The following SPATA18 variants were observed in gnomAD, a reference collection of about 807,000 sequenced individuals.
SPATA18 encodes the protein spermatogenesis associated 18, also known as mitochondria-eating protein.
A neutral mutation model predicts 68.1 loss-of-function variants in SPATA18; 54 were observed. That is an observed-to-expected ratio of 0.79 (90% CI 0.64 to 0.99). The LOEUF (loss-of-function observed/expected upper bound fraction) is 0.99, where lower values mean the gene tolerates loss of function less well. Among genes scored for constraint, SPATA18 ranks in the 50% least tolerant of loss-of-function variants. The probability of loss-of-function intolerance (pLI) is 0.00; values close to 1 mark genes in which losing one functional copy is unlikely to be tolerated. For synonymous variants in SPATA18, 242 were observed against 244.8 expected (o/e 0.99, Z 0.11); for missense variants, 724 against 681.1 (o/e 1.06, Z -0.70).
intron 1 of SPATA18, among the ~76,000 whole-genome samples, chr4:52,052,114 G>A (rs1049857567): frequency 6.6e-6 from 1 of 151,980 alleles, no homozygotes; most frequent in Non-Finnish European, 1.5e-5. Context: ...TGCTGTCCGC[G>A]GCTGGTCTGG....
chr4:52,073,964 T>C (rs1030755822), intron 6 of SPATA18, among the ~76,000 whole-genome samples: 6 of 152,186 alleles, frequency 3.9e-5, no homozygotes, highest in Non-Finnish European at 7.3e-5. Context: ...CTAAAGACTT[T>C]TCTAGCAACG....
chr4:52,057,884 A>G (rs1307921257), intron 1 of SPATA18, among the ~76,000 whole-genome samples: 2 of 152,166 alleles, frequency 1.3e-5, no homozygotes, highest in African/African-American at 4.8e-5. Context: ...TCCCCATTGC[A>G]TGGGAGAGGA....
rs1390218445 is a variant in SPATA18, at chr4:52,095,462, T to C, written c.*575T>C. On this transcript the variant is annotated 3_prime_UTR_variant, in exon 13 of 13. Coordinates refer to ENST00000295213, the MANE Select transcript of SPATA18 (RefSeq NM_145263.4). ...ATTTAAGATACATTTTCTTTATATA[T>C]TAGCCAACAAATTATATTTATTGGT... 2 of 152,278 alleles carry C rather than the reference T, an allele frequency of 1.3e-5. No individual in the cohort carries two copies. Among genetic ancestry groups the C allele is most frequent in the Non-Finnish European group, 2.9e-5 (2 of 68,108 alleles). 9.4% of individuals were successfully genotyped at this position (152,278 alleles called of 1,614,324 possible).
intron 1 of SPATA18, among the ~76,000 whole-genome samples, chr4:52,058,293 GATC>G (rs2109410969): frequency 6.6e-6 from 1 of 151,440 alleles, no homozygotes; most frequent in African/African-American, 2.4e-5. Context: ...AAGAACTCAT[GATC>G]TTTTTGGGAG....
At chr4:52,069,990 G>A in intron 5 of SPATA18, 74 bp downstream of exon 5, 1 of 873,614 alleles carries the variant, frequency 1.1e-6, no homozygotes, top group Non-Finnish European at 1.7e-6. Flanking sequence ...ATTACAACAT[G>A]AAAGAATCTG....
At chr4:52,091,859 A>G (rs1224642011) in intron 11 of SPATA18, among the ~76,000 whole-genome samples, 1 of 152,046 alleles carries the variant, frequency 6.6e-6, no homozygotes, top group African/African-American at 2.4e-5. Flanking sequence ...TAAGTCTGCT[A>G]TAAGCCCCTG....
chr4:52,058,345 A>C (rs569746358), intron 1 of SPATA18, among the ~76,000 whole-genome samples: 3 of 152,110 alleles, frequency 2.0e-5, no homozygotes, highest in Non-Finnish European at 4.4e-5. Context: ...AAATGGCTGC[A>C]GGAGAAATCA....
intron 5 of SPATA18, 122 bp from the exon 6 acceptor site, chr4:52,071,795 T>A: frequency 1.0e-6 from 1 of 955,632 alleles, no homozygotes; most frequent in Non-Finnish European, 1.5e-6. Flanking sequence ...AATGCAATAA[T>A]GGCAGGCTGA....
intron 9 of SPATA18, among the ~76,000 whole-genome samples, chr4:52,081,857 G>A (rs776542732): frequency 2.5e-4 from 12 of 47,336 alleles, no homozygotes; most frequent in Non-Finnish European, 8.1e-4. Flanking sequence ...CTGCATCTTT[G>A]AGCATGTTTT....
At chr4:52,084,892 C>T (rs764001432) in intron 10 of SPATA18, 24 bp from the exon 11 acceptor site, 1 of 1,611,188 alleles carries the variant, frequency 6.2e-7, no homozygotes, top group Non-Finnish European at 8.5e-7. Flanking sequence ...GACTATGTCT[C>T]TCTCTTTCTC....
chr4:52,091,955 C>A (rs1263928733), intron 11 of SPATA18, among the ~76,000 whole-genome samples: 1 of 152,210 alleles, frequency 6.6e-6, no homozygotes, highest in Non-Finnish European at 1.5e-5. Context: ...TGCTGAGCTG[C>A]AGTGTGCTCC....
intron 8 of SPATA18, among the ~76,000 whole-genome samples, chr4:52,079,397 G>A (rs1047840649): frequency 6.6e-6 from 1 of 152,198 alleles, no homozygotes; most frequent in Admixed American, 6.5e-5. Context: ...AATAATGATT[G>A]TTATGGATTA....
At chr4:52,053,696 T>G (rs1275371751) in intron 1 of SPATA18, among the ~76,000 whole-genome samples, 2 of 152,206 alleles carry the variant, frequency 1.3e-5, no homozygotes, top group East Asian at 3.8e-4. Flanking sequence ...CATTATATAC[T>G]CCACTCCCTT....
chr4:52,086,162 C>T (rs1741413733), intron 11 of SPATA18, among the ~76,000 whole-genome samples: 1 of 152,098 alleles, frequency 6.6e-6, no homozygotes, highest in South Asian at 2.1e-4. Context: ...CTGAAATTGC[C>T]TCTAGCATGC....
Position 52,078,715 on chromosome 4 carries a change from T to C in SPATA18, c.1021-20T>C, listed in dbSNP as rs1740630309. On this transcript the variant is annotated intron_variant, in intron 7 of 12. Transcript: ENST00000295213. ...CCTACCTCTTTTCACCAAATAAATT[T>C]GCTGCATTTTTATGTGCAGGAGGCA... is the stretch of plus-strand genomic sequence containing the variant. 6.6e-7 allele frequency: 1 copy of C among 1,504,706 alleles called. No individual in the cohort carries two copies. 93.2% of individuals were successfully genotyped at this position (1,504,706 alleles called of 1,614,324 possible).
At chr4:52,056,790 GTCTATCT>G (rs1185785264) in intron 1 of SPATA18, among the ~76,000 whole-genome samples, 1 of 152,132 alleles carries the variant, frequency 6.6e-6, no homozygotes, top group Non-Finnish European at 1.5e-5. Context: ...GTGACCCAAA[GTCTATCT>G]GGTCTGCTTT....
At position 52,060,804 on chromosome 4, in the gene SPATA18, A is replaced by C; in HGVS notation, c.216A>C (p.Glu72Asp). 1 of 1,614,008 alleles carries C rather than the reference A, an allele frequency of 6.2e-7. No individual in the cohort carries two copies. The highest frequency in any genetic ancestry group is 1.3e-5 in the African/African-American group (1 of 75,024). The change falls in exon 3 of 13, where the codon GAA becomes GAC. Residue 72 changes from glutamate (E) to aspartate (D), a missense_variant. By Grantham distance (45) the Glu-to-Asp change is conservative (BLOSUM62 2). Transcript: ENST00000295213. ...AQEGGRNDGVETIKSRLLPWL... is the reference protein window; with the variant it reads ...AQEGGRNDGVDTIKSRLLPWL... ...TAGGAGGACGTAATGATGGTGTGGA[A>C]ACAATCAAGTCACGCCTTTTGCCTT...
intron 4 of SPATA18, among the ~76,000 whole-genome samples, chr4:52,062,590 G>A (rs1407043888): frequency 6.6e-6 from 1 of 151,982 alleles, no homozygotes; most frequent in Admixed American, 6.6e-5. Context: ...TTCCTTCTTT[G>A]GAGTTCCTTC....
chr4:52,094,944 C>T lies in SPATA18; in HGVS notation c.*57C>T, dbSNP rs914624090. 211 of 1,606,670 alleles carry T rather than the reference C, an allele frequency of 1.3e-4. 2 individuals are homozygous for T. In the East Asian group the frequency reaches 4.6e-3, roughly 35 times the overall value. Reference sequence around the variant, plus strand: ...GTGGAAACAGCTGCTTTCTCCAGTGCCGCCATCTGTCTTCTGTGTCTGCCT... The same window carrying T: ...GTGGAAACAGCTGCTTTCTCCAGTGTCGCCATCTGTCTTCTGTGTCTGCCT... On this transcript the variant is annotated 3_prime_UTR_variant, in exon 13 of 13. Transcript: ENST00000295213.
Sources: allele counts gnomAD v4.1 joint callset (sites outside exome capture counted in the v4.1 genomes callset), GRCh38; gene constraint gnomAD v4.1.1; transcripts MANE v1.5; gene names NCBI Gene and HGNC (gene_info 2026-07-23, HGNC 2026-07-21).